The following SPRY3 variants were observed in gnomAD, a reference collection of about 807,000 sequenced individuals.
SPRY3 encodes the protein sprouty RTK signaling antagonist 3, also known as protein sprouty homolog 3.
Under a neutral mutation model 20.2 loss-of-function variants are expected in SPRY3, and 15 were observed. The observed-to-expected ratio is 0.74, with a 90% CI of 0.50 to 1.14. The LOEUF (loss-of-function observed/expected upper bound fraction) is 1.14, where lower values mean the gene tolerates loss of function less well. Among genes scored for constraint, SPRY3 ranks in the 50% most tolerant of loss-of-function variants. The pLI is 0.00. For synonymous variants in SPRY3, 143 were observed against 136.5 expected (o/e 1.05, Z -0.33); for missense variants, 364 against 363.9 (o/e 1.00, Z 0.00).
intron 2 of SPRY3, among the ~76,000 whole-genome samples, chrX:155,734,528 A>C (rs919809528): frequency 3.9e-5 from 6 of 152,190 alleles, no homozygotes; most frequent in African/African-American, 1.4e-4. Context: ...ATATAATAGT[A>C]ATGAAAAAGT....
chrX:155,643,005 G>A (rs1197520142), intron 1 of SPRY3, among the ~76,000 whole-genome samples: 12 of 111,833 alleles, frequency 1.1e-4, no homozygotes, highest in African/African-American at 3.9e-4. Context: ...GGTCTATAGT[G>A]CAGATTAAGT....
chrX:155,677,579 T>C (rs1204424397), intron 2 of SPRY3, among the ~76,000 whole-genome samples: 1 of 111,875 alleles, frequency 8.9e-6, no homozygotes, highest in Non-Finnish European at 1.9e-5. Context: ...TAGCATTACC[T>C]GTGGTGCAAT....
chrX:155,724,539 T>C (rs1194356797), intron 2 of SPRY3, among the ~76,000 whole-genome samples: 1 of 152,160 alleles, frequency 6.6e-6, no homozygotes, highest in Non-Finnish European at 1.5e-5. Context: ...CCGAAATTCC[T>C]AGTTGGATTT....
chrX:155,759,332 A>G (rs2091295345), intron 2 of SPRY3, among the ~76,000 whole-genome samples: 1 of 151,980 alleles, frequency 6.6e-6, no homozygotes, highest in South Asian at 2.1e-4. Context: ...CCAAATTTAT[A>G]TTTAAATATC....
At chrX:155,674,792 A>G (rs1557355112) in intron 2 of SPRY3, among the ~76,000 whole-genome samples, 1 of 110,932 alleles carries the variant, frequency 9.0e-6, no homozygotes, top group East Asian at 2.8e-4. Flanking sequence ...ATCATTATAC[A>G]TTTTTAACAA....
At chrX:155,669,495 A>T (rs1187553083) in intron 2 of SPRY3, among the ~76,000 whole-genome samples, 6 of 111,056 alleles carry the variant, frequency 5.4e-5, no homozygotes, top group African/African-American at 2.0e-4. Context: ...CAGCTAGTAT[A>T]AAACAAAACA....
intron 1 of SPRY3, among the ~76,000 whole-genome samples, chrX:155,645,149 C>A (rs1218097405): frequency 5.4e-5 from 6 of 111,657 alleles, no homozygotes; most frequent in African/African-American, 2.0e-4. Flanking sequence ...TAGGGCCTCA[C>A]AACTCTGACT....
downstream of SPRY3, chrX:155,779,020 T>G (rs2091447632): frequency 6.0e-6 from 1 of 167,076 alleles, no homozygotes; most frequent in African/African-American, 2.4e-5. Context: ...GTCTGTTCCT[T>G]GGCAAGCTAA....
intron 2 of SPRY3, among the ~76,000 whole-genome samples, chrX:155,716,114 G>A (rs1230111381): frequency 6.6e-6 from 1 of 152,106 alleles, no homozygotes; most frequent in Non-Finnish European, 1.5e-5. Context: ...CCAGCAGGGG[G>A]GATGAACAGT....
intron 2 of SPRY3, among the ~76,000 whole-genome samples, chrX:155,715,977 C>T (rs1237310988): frequency 6.6e-6 from 1 of 152,124 alleles, no homozygotes; most frequent in Non-Finnish European, 1.5e-5. Context: ...AAGACTGTCT[C>T]TCTTGCCCTC....
intron 2 of SPRY3, among the ~76,000 whole-genome samples, chrX:155,755,030 T>C (rs1338626266): frequency 6.6e-6 from 1 of 151,738 alleles, no homozygotes; most frequent in Non-Finnish European, 1.5e-5. Context: ...ATATATATAA[T>C]TGCAAAAATA....
chrX:155,648,102 C>A (rs1358359532), intron 1 of SPRY3, among the ~76,000 whole-genome samples: 5 of 112,264 alleles, frequency 4.5e-5, no homozygotes, highest in African/African-American at 1.6e-4. Flanking sequence ...TAAATGTCTT[C>A]TTTTGAAAAG....
chrX:155,767,210 A>C (rs1250543845), intron 2 of SPRY3, among the ~76,000 whole-genome samples: 1 of 151,924 alleles, frequency 6.6e-6, no homozygotes, highest in Admixed American at 6.6e-5. Flanking sequence ...GCTCCGGGAA[A>C]GCCAACGACA....
At chrX:155,767,573 A>AAC in intron 2 of SPRY3, among the ~76,000 whole-genome samples, 1 of 144,042 alleles carries the variant, frequency 6.9e-6, no homozygotes, top group African/African-American at 2.6e-5. Context: ...GGAGGAGGTA[A>AAC]AGGAGGAAGA....
intron 2 of SPRY3, among the ~76,000 whole-genome samples, chrX:155,741,925 C>T (rs1484456955): frequency 6.6e-6 from 1 of 152,092 alleles, no homozygotes. Context: ...CACTATGAAG[C>T]AACTATATCA....
chrX:155,732,527 A>G (rs774335265), intron 2 of SPRY3, among the ~76,000 whole-genome samples: 1 of 152,230 alleles, frequency 6.6e-6, no homozygotes, highest in East Asian at 1.9e-4. Context: ...ATGTGGAGAA[A>G]AGGGAAACCT....
chrX:155,745,582 A>C (rs2091221815), intron 2 of SPRY3, among the ~76,000 whole-genome samples: 1 of 152,084 alleles, frequency 6.6e-6, no homozygotes, highest in South Asian at 2.1e-4. Context: ...CTTGACATGC[A>C]GAAAGACTAC....
intron 2 of SPRY3, among the ~76,000 whole-genome samples, chrX:155,762,531 A>G (rs144190980): frequency 2.6e-5 from 4 of 152,322 alleles, no homozygotes; most frequent in African/African-American, 9.6e-5. Context: ...TAACAGAGAG[A>G]AAGGTTAAAT....
At chrX:155,769,786 G>A (rs778705230) in intron 3 of SPRY3, among the ~76,000 whole-genome samples, 4 of 152,302 alleles carry the variant, frequency 2.6e-5, no homozygotes, top group Admixed American at 2.6e-4. Context: ...GACAAGTTAA[G>A]AGTTAAATGT....
Sources: allele counts gnomAD v4.1 joint callset (sites outside exome capture counted in the v4.1 genomes callset), GRCh38; gene constraint gnomAD v4.1.1; transcripts MANE v1.5; gene names NCBI Gene and HGNC (gene_info 2026-07-23, HGNC 2026-07-21).